KLRG1: variants seen among roughly 807,000 people sequenced by gnomAD.
The protein encoded by KLRG1 is killer cell lectin-like receptor subfamily G member 1.
In KLRG1, 16 loss-of-function variants were observed where a neutral mutation model predicts 21.8. That is an observed-to-expected ratio of 0.73 (90% CI 0.50 to 1.11). KLRG1 has a LOEUF of 1.11. KLRG1 is among the 50% of genes most tolerant of loss of function. The pLI, the probability that KLRG1 is intolerant of heterozygous loss-of-function variation, is 0.00. For missense variants in KLRG1, 173 were observed against 218.3 expected (o/e 0.79, Z 1.31); for synonymous variants, 69 against 75.9 (o/e 0.91, Z 0.47).
chr12:9,152,585 A>T, the KLRG1 span, among the ~76,000 whole-genome samples: 1 of 152,166 alleles, frequency 6.6e-6, no homozygotes. Context: ...CATTTTTAAC[A>T]TATCTATGGT....
the KLRG1 span, among the ~76,000 whole-genome samples, chr12:9,074,087 T>TAAA: frequency 3.0e-5 from 4 of 131,584 alleles, no homozygotes; most frequent in Non-Finnish European, 4.8e-5. Flanking sequence ...GACTCTGTCT[T>TAAA]AAAAAAAAAA....
chr12:9,193,973 T>A, the KLRG1 span: 2 of 1,115,660 alleles, frequency 1.8e-6, no homozygotes, highest in South Asian at 4.6e-5. Context: ...AAGTTAGATA[T>A]CTTCTTATTT....
the KLRG1 span, among the ~76,000 whole-genome samples, chr12:9,097,436 C>T: frequency 2.6e-5 from 4 of 152,086 alleles, no homozygotes; most frequent in African/African-American, 4.8e-5. Flanking sequence ...ATGCTATTAA[C>T]TAGTTTTTGT....
At chr12:9,127,410 A>G in the KLRG1 span, among the ~76,000 whole-genome samples, 1 of 152,152 alleles carries the variant, frequency 6.6e-6, no homozygotes, top group Non-Finnish European at 1.5e-5. Flanking sequence ...GTCCCCTCAT[A>G]GCACAAAACC....
chr12:9,185,889 C>T, the KLRG1 span, among the ~76,000 whole-genome samples: 1 of 150,770 alleles, frequency 6.6e-6, no homozygotes, highest in Non-Finnish European at 1.5e-5. Context: ...CTCACTGCAA[C>T]CCCCACCTCC....
At chr12:8,960,287 C>A (rs1946361671) in intron 1 of KLRG1, among the ~76,000 whole-genome samples, 2 of 152,104 alleles carry the variant, frequency 1.3e-5, no homozygotes, top group Admixed American at 1.3e-4. Context: ...AAGGCAAAGA[C>A]TAAGATTTGT....
the KLRG1 span, among the ~76,000 whole-genome samples, chr12:9,154,368 G>T: frequency 6.6e-6 from 1 of 152,174 alleles, no homozygotes; most frequent in African/African-American, 2.4e-5. Context: ...TGACCATAGC[G>T]TGGCTTTAGA....
chr12:9,108,600 G>C, the KLRG1 span, among the ~76,000 whole-genome samples: 93 of 152,302 alleles, frequency 6.1e-4, no homozygotes, highest in Middle Eastern at 3.4e-3. Context: ...GACAGAACTG[G>C]AGCAGGGGCC....
intron 1 of KLRG1, among the ~76,000 whole-genome samples, chr12:8,954,590 C>A (rs1433018906): frequency 6.6e-6 from 1 of 151,736 alleles, no homozygotes; most frequent in East Asian, 1.9e-4. Flanking sequence ...AGTCATTTCA[C>A]CAAGGGGTCT....
chr12:8,977,427 G>C (rs1160409836), intron 1 of KLRG1, among the ~76,000 whole-genome samples: 1 of 148,484 alleles, frequency 6.7e-6, no homozygotes, highest in African/African-American at 2.5e-5. Flanking sequence ...TGTTAGCCAG[G>C]ATGGTCTCGA....
the KLRG1 span, among the ~76,000 whole-genome samples, chr12:9,100,037 A>G: frequency 2.0e-5 from 3 of 152,204 alleles, no homozygotes; most frequent in Non-Finnish European, 4.4e-5. Context: ...TACAAGAACT[A>G]ATGAGAGAGT....
intron 1 of KLRG1, among the ~76,000 whole-genome samples, chr12:8,964,608 G>A (rs374038952): frequency 4.0e-5 from 6 of 151,158 alleles, no homozygotes; most frequent in South Asian, 2.1e-4. Context: ...TTTCTGTCTC[G>A]TTGATCTGTC....
At chr12:9,107,589 A>T in the KLRG1 span, 1 of 1,614,016 alleles carries the variant, frequency 6.2e-7, no homozygotes, top group Admixed American at 1.7e-5. Flanking sequence ...GCGTCACTAT[A>T]CTTTCTGCAA....
the KLRG1 span, chr12:9,180,973 G>C: frequency 6.2e-7 from 1 of 1,610,256 alleles, no homozygotes; most frequent in South Asian, 1.1e-5. Flanking sequence ...CAAGGCCACT[G>C]GAAACTCACT....
intron 1 of KLRG1, among the ~76,000 whole-genome samples, chr12:8,964,246 T>C (rs1946427659): frequency 6.6e-6 from 1 of 152,204 alleles, no homozygotes; most frequent in Non-Finnish European, 1.5e-5. Flanking sequence ...TCTTTGTTCC[T>C]GTTGGTTTCA....
chr12:9,152,300 T>C, the KLRG1 span: 1 of 1,612,658 alleles, frequency 6.2e-7, no homozygotes, highest in Middle Eastern at 1.7e-4. Context: ...GCAGGACGGT[T>C]TCCTGTGTAA....
At chr12:9,157,702 G>A in the KLRG1 span, 1 of 1,409,188 alleles carries the variant, frequency 7.1e-7, no homozygotes, top group Non-Finnish European at 1.0e-6. Context: ...CCCTTAGCAG[G>A]GTGGCATTCC....
chr12:8,956,804 T>G (rs1047131496), intron 1 of KLRG1, among the ~76,000 whole-genome samples: 2 of 152,222 alleles, frequency 1.3e-5, no homozygotes, highest in Non-Finnish European at 1.5e-5. Context: ...CTGCGTTCCC[T>G]TCGTTCATAT....
chr12:9,009,818 G>C lies in KLRG1; in HGVS notation c.*281G>C. ...ATTTCTCAGTATGGAAACTAATGCT[G>C]CCACTCTCATCCCCGTCCCAACCAT... is the stretch of plus-strand genomic sequence containing the variant. On this transcript the variant is annotated 3_prime_UTR_variant, in exon 5 of 5. Coordinates refer to ENST00000356986, the MANE Select transcript of KLRG1 (RefSeq NM_005810.4). 7.0e-7 allele frequency: 1 copy of C among 1,429,962 alleles called. No individual in the cohort carries two copies. Among genetic ancestry groups the C allele is most frequent in the Non-Finnish European group, 9.1e-7 (1 of 1,098,184 alleles). 88.6% of individuals were successfully genotyped at this position (1,429,962 alleles called of 1,614,324 possible).
Sources: gnomAD v4.1 joint callset for allele counts (sites outside exome capture counted in the v4.1 genomes callset) on GRCh38, gnomAD v4.1.1 for gene constraint, MANE v1.5 for transcripts, NCBI Gene and HGNC (gene_info 2026-07-23, HGNC 2026-07-21) for gene names.